Variants in MAGI2 observed in about 807,000 individuals in gnomAD.
MAGI2 encodes membrane-associated guanylate kinase, WW and PDZ domain-containing protein 2.
A neutral mutation model predicts 133.3 loss-of-function variants in MAGI2; 35 were observed. The ratio of observed to expected loss-of-function variants is 0.26; its 90% CI spans 0.20 to 0.35. MAGI2 has a LOEUF of 0.35. Ranked by LOEUF, MAGI2 falls within the 10% of genes least tolerant of loss-of-function variation. The pLI, the probability that MAGI2 is intolerant of heterozygous loss-of-function variation, is 1.00. For missense variants in MAGI2, 1,636 were observed against 1,863.4 expected, an observed-to-expected ratio of 0.88 and a Z score of 2.25; for synonymous variants, 729 against 710.6, an observed-to-expected ratio of 1.03 and a Z score of -0.41.
At chr7:78,151,712 G>A (rs1209567930) in intron 16 of MAGI2, among the ~76,000 whole-genome samples, 1 of 152,066 alleles carries the variant, frequency 6.6e-6, no homozygotes, top group African/African-American at 2.4e-5. Flanking sequence ...CTTTATTATC[G>A]TGTGATTTCT....
chr7:79,397,560 T>G (rs1424128428), intron 1 of MAGI2, among the ~76,000 whole-genome samples: 2 of 152,140 alleles, frequency 1.3e-5, no homozygotes, highest in Non-Finnish European at 2.9e-5. Context: ...TTACCTTATA[T>G]TCCCTCAAGC....
chr7:78,522,641 A>G (rs1225361771), intron 3 of MAGI2, among the ~76,000 whole-genome samples: 2 of 152,170 alleles, frequency 1.3e-5, no homozygotes, highest in Admixed American at 1.3e-4. Flanking sequence ...CGGCCCCCCA[A>G]AGTGCTGGGA....
At chr7:78,927,416 G>A (rs1236703875) in intron 2 of MAGI2, among the ~76,000 whole-genome samples, 1 of 151,912 alleles carries the variant, frequency 6.6e-6, no homozygotes, top group Non-Finnish European at 1.5e-5. Context: ...AGTTCACCAA[G>A]TTCATTTAGG....
At chr7:78,449,403 A>C (rs535637734) in intron 6 of MAGI2, among the ~76,000 whole-genome samples, 86 of 152,096 alleles carry the variant, frequency 5.7e-4, no homozygotes, top group Non-Finnish European at 1.1e-3. Flanking sequence ...TAAACAGGAA[A>C]ACTTTGTGCC....
chr7:79,245,413 G>T (rs1311535564), intron 1 of MAGI2, among the ~76,000 whole-genome samples: 1 of 152,082 alleles, frequency 6.6e-6, no homozygotes, highest in Non-Finnish European at 1.5e-5. Flanking sequence ...CCTGAAGGGG[G>T]CGTTCTAGGC....
intron 1 of MAGI2, among the ~76,000 whole-genome samples, chr7:79,104,222 T>C (rs1383897893): frequency 6.6e-6 from 1 of 152,196 alleles, no homozygotes; most frequent in African/African-American, 2.4e-5. Context: ...TACTTCTTCC[T>C]TCAGAGCATC....
At chr7:78,738,233 CTG>C (rs1822060143) in intron 2 of MAGI2, among the ~76,000 whole-genome samples, 1 of 152,030 alleles carries the variant, frequency 6.6e-6, no homozygotes, top group South Asian at 2.1e-4. Flanking sequence ...TCTTGAAAGA[CTG>C]GGGATGTAGT....
chr7:79,387,906 C>A (rs1033271606), intron 1 of MAGI2, among the ~76,000 whole-genome samples: 8 of 151,648 alleles, frequency 5.3e-5, no homozygotes, highest in African/African-American at 1.9e-4. Context: ...ATTTAAACGA[C>A]CTGATTTAAA....
At chr7:79,448,978 C>A (rs950649796) in intron 1 of MAGI2, among the ~76,000 whole-genome samples, 11 of 152,202 alleles carry the variant, frequency 7.2e-5, no homozygotes, top group African/African-American at 2.4e-4. Flanking sequence ...GTCTCATTAA[C>A]CTTGTTCAAA....
intron 1 of MAGI2, among the ~76,000 whole-genome samples, chr7:79,337,771 C>T (rs1380962948): frequency 2.0e-5 from 3 of 152,112 alleles, no homozygotes; most frequent in East Asian, 1.9e-4. Context: ...ATTCTTAAGA[C>T]ATGTTCTAAT....
chr7:78,350,588 A>C (rs1476216424), intron 7 of MAGI2: 1 of 152,180 alleles, frequency 6.6e-6, no homozygotes, highest in Non-Finnish European at 1.5e-5. Context: ...GAGGATTAGG[A>C]AATGCAACTT....
intron 6 of MAGI2, among the ~76,000 whole-genome samples, chr7:78,464,153 C>T (rs1315417106): frequency 6.6e-6 from 1 of 152,020 alleles, no homozygotes; most frequent in Non-Finnish European, 1.5e-5. Context: ...CATCATTATC[C>T]TCGGAGCATT....
intron 2 of MAGI2, among the ~76,000 whole-genome samples, chr7:78,993,256 CATTA>C (rs1177850276): frequency 6.6e-6 from 1 of 151,924 alleles, no homozygotes; most frequent in Non-Finnish European, 1.5e-5. Flanking sequence ...AAAGTAAAAA[CATTA>C]ATTAATAAAT....
chr7:78,318,187 G>A (rs892369287), intron 9 of MAGI2, among the ~76,000 whole-genome samples: 2 of 152,160 alleles, frequency 1.3e-5, no homozygotes, highest in Non-Finnish European at 2.9e-5. Context: ...AGCTAAAGGA[G>A]CATGTTCTAA....
At chr7:78,372,616 T>C (rs972187757) in intron 6 of MAGI2, among the ~76,000 whole-genome samples, 8 of 152,164 alleles carry the variant, frequency 5.3e-5, no homozygotes, top group African/African-American at 9.7e-5. Context: ...ACTGTTTTAA[T>C]TGAGATTTTC....
chr7:78,527,956 C>A (rs1797123270), intron 3 of MAGI2, among the ~76,000 whole-genome samples: 3 of 151,676 alleles, frequency 2.0e-5, no homozygotes, highest in Admixed American at 2.0e-4. Context: ...AGATTAAGGT[C>A]ATGACTTCTA....
chr7:78,685,255 G>A (rs1201958422), intron 2 of MAGI2, among the ~76,000 whole-genome samples: 6 of 152,124 alleles, frequency 3.9e-5, no homozygotes, highest in Admixed American at 3.9e-4. Flanking sequence ...GTCACCCCAA[G>A]AGCTGTCCTT....
intron 2 of MAGI2, among the ~76,000 whole-genome samples, chr7:78,894,698 T>C (rs1797065405): frequency 1.3e-5 from 2 of 152,058 alleles, no homozygotes; most frequent in African/African-American, 2.4e-5. Flanking sequence ...TACGAACAAA[T>C]AAGAAAAGTG....
intron 1 of MAGI2, among the ~76,000 whole-genome samples, chr7:79,171,770 ATTTTTT>A (rs144599296): frequency 0.016 from 496 of 31,208 alleles, 26 homozygotes; most frequent in African/African-American, 0.03. Flanking sequence ...ATATATATAT[ATTTTTT>A]TTTTTTTTTT....
Sources: gnomAD v4.1 joint callset for allele counts (sites outside exome capture counted in the v4.1 genomes callset) on GRCh38, gnomAD v4.1.1 for gene constraint, MANE v1.5 for transcripts, NCBI Gene and HGNC (gene_info 2026-07-23, HGNC 2026-07-21) for gene names.